PLXNC1: variants seen among roughly 807,000 people sequenced by gnomAD.
PLXNC1 encodes plexin-C1.
In PLXNC1, 75 loss-of-function variants were observed where a neutral mutation model predicts 178.2. That is an observed-to-expected ratio of 0.42 (90% CI 0.35 to 0.51). The LOEUF (loss-of-function observed/expected upper bound fraction) is 0.51, where lower values mean the gene tolerates loss of function less well. Ranked by LOEUF, PLXNC1 falls within the 20% of genes least tolerant of loss-of-function variation. PLXNC1 has a pLI of 0.02. For missense variants in PLXNC1, 1,503 were observed against 1,984.4 expected, an observed-to-expected ratio of 0.76 and a Z score of 4.61; for synonymous variants, 790 against 779.9, an observed-to-expected ratio of 1.01 and a Z score of -0.22.
At chr12:94,266,202 G>A (rs370166318) in intron 21 of PLXNC1, among the ~76,000 whole-genome samples, 85 of 152,288 alleles carry the variant, frequency 5.6e-4, no homozygotes, top group African/African-American at 1.8e-3. Context: ...CCACTTTGCC[G>A]TGGAGCGTGT....
At chr12:94,177,823 G>A (rs946590500) in intron 2 of PLXNC1, among the ~76,000 whole-genome samples, 1 of 152,204 alleles carries the variant, frequency 6.6e-6, no homozygotes, top group African/African-American at 2.4e-5. Context: ...AAATGGATGA[G>A]TGGTGGTGTA....
intron 5 of PLXNC1, among the ~76,000 whole-genome samples, chr12:94,213,799 G>A (rs1963562346): frequency 6.6e-6 from 1 of 151,884 alleles, no homozygotes; most frequent in African/African-American, 2.4e-5. Flanking sequence ...TAACATTTAA[G>A]TCTTTAATCC....
At chr12:94,204,407 C>T (rs1291703561) in intron 4 of PLXNC1, among the ~76,000 whole-genome samples, 1 of 152,234 alleles carries the variant, frequency 6.6e-6, no homozygotes, top group African/African-American at 2.4e-5. Context: ...TGTGAAAAGA[C>T]ATCGCCTGGC....
chr12:94,294,814 T>C (rs560363892), intron 24 of PLXNC1, among the ~76,000 whole-genome samples: 5 of 152,306 alleles, frequency 3.3e-5, no homozygotes, highest in African/African-American at 1.2e-4. Flanking sequence ...CAGAATCTCA[T>C]AGCTTTTTTT....
chr12:94,260,742 A>G lies in PLXNC1; in HGVS notation c.3352A>G (p.Ser1118Gly), dbSNP rs1248010059. The G allele has an allele frequency of 6.2e-7, 1 of 1,614,196 alleles. No homozygotes were observed. The highest frequency in any genetic ancestry group is 8.5e-7 in the Non-Finnish European group (1 of 1,180,000). The change falls in exon 20 of 31, where the codon AGT (serine) becomes GGT (glycine). Residue 1118 changes from serine (S) to glycine (G), a missense_variant. Physicochemically the swap from Ser to Gly is moderately conservative, Grantham distance 56. Around this residue, in one of 4 missense-constraint regions of PLXNC1, gnomAD observed 639 missense variants for 979.7 expected, o/e 0.65. Transcript: ENST00000258526. The surrounding 1 kb of genome is among the most constrained non-coding windows in gnomAD (Gnocchi z 4.4). ...VLTRDLMEQC[S>G]NMQPKLMLRR... ...GACCAGGGACTTGATGGAACAGTGT[A>G]GTAACATGCAGCCGAAACTCATGCT...
chr12:94,268,764 C>T (rs1400274428), intron 21 of PLXNC1, among the ~76,000 whole-genome samples: 2 of 151,690 alleles, frequency 1.3e-5, no homozygotes, highest in Non-Finnish European at 2.9e-5. Context: ...CAGGCTAATG[C>T]TTGTATTTTT....
intron 2 of PLXNC1, among the ~76,000 whole-genome samples, chr12:94,173,889 C>T (rs1321965177): frequency 1.3e-5 from 2 of 152,152 alleles, no homozygotes; most frequent in African/African-American, 4.8e-5. Context: ...CTCTGAGCTG[C>T]GCGTAGTCCA....
At chr12:94,167,709 A>G (rs1374163521) in intron 1 of PLXNC1, among the ~76,000 whole-genome samples, 1 of 152,242 alleles carries the variant, frequency 6.6e-6, no homozygotes, top group Non-Finnish European at 1.5e-5. Context: ...ACAGCTCCTC[A>G]TCTTCCCATA....
At chr12:94,171,202 C>T (rs1288617363) in intron 2 of PLXNC1, among the ~76,000 whole-genome samples, 3 of 152,188 alleles carry the variant, frequency 2.0e-5, no homozygotes, top group Non-Finnish European at 2.9e-5. Flanking sequence ...TTGTGGCAAC[C>T]AGGGAGTGGA....
chr12:94,269,460 C>T (rs982959414), intron 21 of PLXNC1, among the ~76,000 whole-genome samples: 1 of 152,196 alleles, frequency 6.6e-6, no homozygotes, highest in Admixed American at 6.5e-5. Flanking sequence ...TCATATACAA[C>T]AGAGCCCTAG....
chr12:94,270,599 C>T (rs1259816615), intron 21 of PLXNC1, among the ~76,000 whole-genome samples: 1 of 152,136 alleles, frequency 6.6e-6, no homozygotes, highest in East Asian at 1.9e-4. Context: ...CCCCCACCCC[C>T]AACCCTGCAC....
chr12:94,227,978 A>C (rs947301296), intron 9 of PLXNC1, among the ~76,000 whole-genome samples: 10 of 152,376 alleles, frequency 6.6e-5, no homozygotes, highest in Admixed American at 4.6e-4. Flanking sequence ...GGAGTCTAGC[A>C]GAAATAGACA....
intron 4 of PLXNC1, among the ~76,000 whole-genome samples, chr12:94,187,922 C>T (rs976183033): frequency 1.3e-5 from 2 of 151,690 alleles, no homozygotes; most frequent in African/African-American, 4.8e-5. Context: ...AGTTTGAGAA[C>T]TGGGCCTTGA....
intron 2 of PLXNC1, among the ~76,000 whole-genome samples, chr12:94,177,543 G>GAAAGAAAGAA (rs1363718177): frequency 6.6e-6 from 1 of 150,716 alleles, no homozygotes; most frequent in Non-Finnish European, 1.5e-5. Flanking sequence ...GAAAGAAAGA[G>GAAAGAAAGAA]AGAGAAAGAA....
intron 5 of PLXNC1, among the ~76,000 whole-genome samples, chr12:94,219,007 C>A (rs1384735783): frequency 6.6e-6 from 1 of 152,052 alleles, no homozygotes; most frequent in African/African-American, 2.4e-5. Context: ...TAATTAATAT[C>A]ATAAAGACAG....
chr12:94,211,681 A>G (rs1963471765), intron 5 of PLXNC1, among the ~76,000 whole-genome samples: 1 of 152,268 alleles, frequency 6.6e-6, no homozygotes, highest in African/African-American at 2.4e-5. Context: ...AAAAGATAGT[A>G]CATCCTCATA....
chr12:94,150,664 G>C (rs1960926597), intron 1 of PLXNC1, among the ~76,000 whole-genome samples: 1 of 152,360 alleles, frequency 6.6e-6, no homozygotes, highest in East Asian at 1.9e-4. Flanking sequence ...GCCGGTGCGA[G>C]GGGGCGGTGC....
intron 20 of PLXNC1, chr12:94,262,413 T>A: frequency 2.4e-6 from 2 of 845,120 alleles, no homozygotes; most frequent in Non-Finnish European, 2.8e-6. Flanking sequence ...TTCTTAACTC[T>A]GAGCTTTCAA....
At position 94,254,849 on chromosome 12, in the gene PLXNC1, G is replaced by C; in HGVS notation, c.2944G>C (p.Glu982Gln). 1 of 1,612,178 alleles carries C rather than the reference G, an allele frequency of 6.2e-7. No individual in the cohort carries two copies. Among genetic ancestry groups the C allele is most frequent in the East Asian group, 2.2e-5 (1 of 44,870 alleles). The change falls in exon 16 of 31, where the codon GAA becomes CAA. Residue 982 changes from glutamate (E) to glutamine (Q), a missense_variant. Coordinates refer to ENST00000258526, the MANE Select transcript of PLXNC1 (RefSeq NM_005761.3). ...ELSRKQSQQL[E>Q]LLESELRKEI... Reference sequence around the variant, plus strand: ...GAGTCGCAAACAGAGTCAACAACTAGAATTGCTGGAAAGCGAGCTCCGGAA... The same window carrying C: ...GAGTCGCAAACAGAGTCAACAACTACAATTGCTGGAAAGCGAGCTCCGGAA...
Sources: gnomAD v4.1 joint callset for allele counts (sites outside exome capture counted in the v4.1 genomes callset) on GRCh38, gnomAD v4.1.1 for gene constraint, gnomAD v4.1.1 regional missense constraint, Gnocchi (gnomAD v3.1) non-coding constraint, MANE v1.5 for transcripts, NCBI Gene and HGNC (gene_info 2026-07-23, HGNC 2026-07-21) for gene names.